WDPCP: variants seen among roughly 807,000 people sequenced by gnomAD.
WDPCP encodes the protein WD repeat containing planar cell polarity effector, also known as WD repeat-containing and planar cell polarity effector protein fritz homolog.
WDPCP carries 71 observed loss-of-function variants against 93.1 expected under a neutral mutation model. The ratio of observed to expected loss-of-function variants is 0.76; its 90% CI spans 0.63 to 0.93. The LOEUF (loss-of-function observed/expected upper bound fraction) is 0.93, where lower values mean the gene tolerates loss of function less well. Among genes scored for constraint, WDPCP ranks in the 40% least tolerant of loss-of-function variants. WDPCP has a pLI of 0.00. For missense variants in WDPCP, 844 were observed against 887.4 expected (o/e 0.95, Z 0.62); for synonymous variants, 315 against 315.0 (o/e 1.00, Z 0.00).
At chr2:63,228,640 T>A (rs1678529921) in intron 14 of WDPCP, 2 of 152,022 alleles carry the variant, frequency 1.3e-5, no homozygotes, top group Admixed American at 1.3e-4. Flanking sequence ...TGTCCATGTG[T>A]TCTCATTGTT....
chr2:63,800,487 T>A (rs1203368494), intron 2 of WDPCP, among the ~76,000 whole-genome samples: 1 of 152,176 alleles, frequency 6.6e-6, no homozygotes, highest in Non-Finnish European at 1.5e-5. Flanking sequence ...GTTGTATTTT[T>A]TTCTAATTAA....
intron 1 of WDPCP, among the ~76,000 whole-genome samples, chr2:63,521,037 G>A (rs1421286627): frequency 6.6e-6 from 1 of 152,066 alleles, no homozygotes; most frequent in Non-Finnish European, 1.5e-5. Flanking sequence ...CCCCAGACCT[G>A]CCTTACAAGA....
intron 17 of WDPCP, among the ~76,000 whole-genome samples, chr2:63,144,321 C>T (rs1354870988): frequency 1.3e-5 from 2 of 151,894 alleles, no homozygotes; most frequent in African/African-American, 4.8e-5. Flanking sequence ...CGCCCTGTCA[C>T]CCAGGCTGGA....
At chr2:63,634,756 A>C (rs1364813226) in intron 3 of WDPCP, among the ~76,000 whole-genome samples, 1 of 152,224 alleles carries the variant, frequency 6.6e-6, no homozygotes, top group Non-Finnish European at 1.5e-5. Flanking sequence ...GAGTCAAATA[A>C]AAATGAAAAC....
chr2:63,242,155 G>A (rs1461741595), intron 14 of WDPCP, among the ~76,000 whole-genome samples: 1 of 152,022 alleles, frequency 6.6e-6, no homozygotes, highest in South Asian at 2.1e-4. Context: ...ATTCTCTAAT[G>A]TTACCCATTT....
chr2:63,281,544 C>T (rs1053525182), intron 13 of WDPCP, among the ~76,000 whole-genome samples: 11 of 152,098 alleles, frequency 7.2e-5, no homozygotes, highest in Non-Finnish European at 1.3e-4. Flanking sequence ...TTTATAGTAG[C>T]AAAATTTGCA....
the WDPCP span, among the ~76,000 whole-genome samples, chr2:63,834,695 C>T: frequency 7.2e-5 from 11 of 152,164 alleles, no homozygotes; most frequent in African/African-American, 2.7e-4. Flanking sequence ...CCACAGGCCT[C>T]TTATCCAAGG....
At chr2:63,406,118 G>A (rs1329347180) in intron 9 of WDPCP, among the ~76,000 whole-genome samples, 2 of 152,058 alleles carry the variant, frequency 1.3e-5, no homozygotes, top group Non-Finnish European at 2.9e-5. Context: ...ACATAGAGCT[G>A]TGTGGCAGAG....
At chr2:63,713,930 AT>A (rs1441251860) in intron 2 of WDPCP, among the ~76,000 whole-genome samples, 49 of 152,142 alleles carry the variant, frequency 3.2e-4, no homozygotes, top group African/African-American at 1.2e-3. Flanking sequence ...TTCCCCTGAT[AT>A]TTATAGAGAT....
At chr2:63,199,589 C>T (rs1675730898) in intron 14 of WDPCP, among the ~76,000 whole-genome samples, 1 of 152,168 alleles carries the variant, frequency 6.6e-6, no homozygotes, top group Non-Finnish European at 1.5e-5. Context: ...TGCAGGTGCA[C>T]AGTGTAAGAG....
At chr2:63,406,368 C>T (rs987393765) in intron 9 of WDPCP, among the ~76,000 whole-genome samples, 6 of 152,200 alleles carry the variant, frequency 3.9e-5, no homozygotes, top group Non-Finnish European at 7.4e-5. Context: ...CAGTCATTTT[C>T]TTTTTTGTCC....
At chr2:63,323,594 C>T (rs941955115) in intron 12 of WDPCP, among the ~76,000 whole-genome samples, 18 of 152,266 alleles carry the variant, frequency 1.2e-4, no homozygotes, top group Middle Eastern at 3.4e-3. Flanking sequence ...GGGTATGGCC[C>T]TCCACTTCAT....
chr2:63,139,452 T>C (rs1017632530), intron 17 of WDPCP, among the ~76,000 whole-genome samples: 77 of 152,302 alleles, frequency 5.1e-4, no homozygotes, highest in African/African-American at 1.7e-3. Context: ...AGTGTAGAAG[T>C]GTTCCCTGTT....
chr2:63,593,657 A>G (rs1709245161), upstream of WDPCP: 2 of 471,574 alleles, frequency 4.2e-6, no homozygotes, highest in South Asian at 3.1e-5. Flanking sequence ...GTGGAAGTAC[A>G]TTTACCCAGC....
chr2:63,245,232 G>C (rs1197148407), intron 14 of WDPCP, among the ~76,000 whole-genome samples: 1 of 152,076 alleles, frequency 6.6e-6, no homozygotes, highest in Non-Finnish European at 1.5e-5. Flanking sequence ...GCCAATGTCA[G>C]GTTCCCCATG....
intron 2 of WDPCP, among the ~76,000 whole-genome samples, chr2:63,732,525 A>C (rs1669577943): frequency 6.6e-6 from 1 of 152,230 alleles, no homozygotes; most frequent in Non-Finnish European, 1.5e-5. Flanking sequence ...AGTACTCTTA[A>C]AGGAGATATA....
At chr2:63,525,768 G>C (rs1039298103) in intron 1 of WDPCP, among the ~76,000 whole-genome samples, 15 of 152,208 alleles carry the variant, frequency 9.9e-5, no homozygotes, top group Non-Finnish European at 2.1e-4. Context: ...TGGGCCAAGG[G>C]AGGCAAGTTG....
chr2:63,378,181 T>C (rs1692011163), intron 12 of WDPCP: 3 of 665,930 alleles, frequency 4.5e-6, no homozygotes, highest in South Asian at 4.0e-5. Flanking sequence ...GTATTGGTTA[T>C]ATAAAACCCC....
At chr2:63,710,638 T>C (rs1354247825) in intron 2 of WDPCP, among the ~76,000 whole-genome samples, 1 of 152,176 alleles carries the variant, frequency 6.6e-6, no homozygotes, top group East Asian at 1.9e-4. Flanking sequence ...AAAGTGACCA[T>C]GGATAAGACA....
Sources: gnomAD v4.1 joint callset for allele counts (sites outside exome capture counted in the v4.1 genomes callset) on GRCh38, gnomAD v4.1.1 for gene constraint, MANE v1.5 for transcripts, NCBI Gene and HGNC (gene_info 2026-07-23, HGNC 2026-07-21) for gene names.